PRELID2: variants seen among roughly 807,000 people sequenced by gnomAD.
PRELID2 encodes the protein PRELI domain containing 2.
A neutral mutation model predicts 28.4 loss-of-function variants in PRELID2; 25 were observed. The observed-to-expected ratio is 0.88, with a 90% CI of 0.64 to 1.23. The LOEUF is 1.23. PRELID2 is among the 50% of genes most tolerant of loss of function. The pLI, the probability that PRELID2 is intolerant of heterozygous loss-of-function variation, is 0.00. For synonymous variants in PRELID2, 76 were observed against 71.6 expected, an observed-to-expected ratio of 1.06 and a Z score of -0.31; for missense variants, 201 against 214.4, an observed-to-expected ratio of 0.94 and a Z score of 0.39.
chr5:145,795,796 A>C (rs1384455549), intron 5 of PRELID2: 1 of 152,180 alleles, frequency 6.6e-6, no homozygotes, highest in Non-Finnish European at 1.5e-5. Flanking sequence ...CTATTAAGGA[A>C]AGAAAATAGA....
chr5:145,698,359 T>C (rs948397899), intron 1 of PRELID2, among the ~76,000 whole-genome samples: 1 of 152,186 alleles, frequency 6.6e-6, no homozygotes, highest in East Asian at 1.9e-4. Flanking sequence ...TTGGAGCTTA[T>C]AGTCTACAGG....
the PRELID2 span, among the ~76,000 whole-genome samples, chr5:145,387,661 G>A: frequency 1.3e-5 from 2 of 152,132 alleles, no homozygotes; most frequent in South Asian, 4.1e-4. Flanking sequence ...GCTGAGCATG[G>A]TGGCTCACAT....
the PRELID2 span, among the ~76,000 whole-genome samples, chr5:145,347,228 T>C: frequency 6.6e-6 from 1 of 152,180 alleles, no homozygotes; most frequent in Non-Finnish European, 1.5e-5. Flanking sequence ...TCTGTGTCTA[T>C]GGCCAAGCCT....
chr5:145,807,151 C>T (rs990848454), intron 4 of PRELID2, among the ~76,000 whole-genome samples: 9 of 152,158 alleles, frequency 5.9e-5, no homozygotes, highest in Admixed American at 2.6e-4. Context: ...ATGACTATGA[C>T]GTTACTAGCC....
chr5:145,436,346 T>C, the PRELID2 span, among the ~76,000 whole-genome samples: 1 of 152,170 alleles, frequency 6.6e-6, no homozygotes, highest in African/African-American at 2.4e-5. Context: ...GATGGGCTTT[T>C]AGGTTGATTC....
At chr5:145,232,940 G>C in the PRELID2 span, among the ~76,000 whole-genome samples, 1 of 150,648 alleles carries the variant, frequency 6.6e-6, no homozygotes. Flanking sequence ...AGTTTCCATT[G>C]GTCCAAAATA....
chr5:145,317,314 G>A, the PRELID2 span, among the ~76,000 whole-genome samples: 1 of 152,198 alleles, frequency 6.6e-6, no homozygotes, highest in African/African-American at 2.4e-5. Flanking sequence ...ATATGAAAAG[G>A]GTGCTCCTGA....
At chr5:145,790,711 G>GTA in intron 5 of PRELID2, among the ~76,000 whole-genome samples, 1 of 64,662 alleles carries the variant, frequency 1.5e-5, no homozygotes, top group Non-Finnish European at 3.7e-5. Flanking sequence ...TTGTGTGTGT[G>GTA]TGTGTGTGTG....
chr5:145,381,969 T>A, the PRELID2 span, among the ~76,000 whole-genome samples: 3,504 of 151,690 alleles, frequency 0.023, 132 homozygotes, highest in African/African-American at 0.078. Context: ...TTTTTTTTTT[T>A]AATTTAGCAG....
the PRELID2 span, among the ~76,000 whole-genome samples, chr5:145,357,217 G>A: frequency 6.6e-6 from 1 of 152,044 alleles, no homozygotes. Context: ...GATGTGTTCT[G>A]GGGATGGTTT....
At chr5:145,339,321 T>A in the PRELID2 span, among the ~76,000 whole-genome samples, 1 of 152,198 alleles carries the variant, frequency 6.6e-6, no homozygotes, top group South Asian at 2.1e-4. Flanking sequence ...CAGCCAGGAT[T>A]GGCGGGGAGC....
chr5:145,709,580 T>C (rs62392315), intron 1 of PRELID2, among the ~76,000 whole-genome samples: 1 of 151,396 alleles, frequency 6.6e-6, no homozygotes, highest in African/African-American at 2.4e-5. Context: ...TTGATCTGTA[T>C]TTAAAAAAAA....
chr5:145,561,653 C>A (rs1752927116), intron 1 of PRELID2, among the ~76,000 whole-genome samples: 1 of 152,174 alleles, frequency 6.6e-6, no homozygotes, highest in Non-Finnish European at 1.5e-5. Context: ...TACCTAAAGT[C>A]TCAGCTGGTG....
the PRELID2 span, among the ~76,000 whole-genome samples, chr5:145,448,348 G>A: frequency 2.0e-5 from 3 of 151,926 alleles, no homozygotes; most frequent in South Asian, 4.2e-4. Context: ...ATTTGTTTGA[G>A]TTCATTGTAG....
chr5:145,347,161 G>T, the PRELID2 span, among the ~76,000 whole-genome samples: 2 of 152,140 alleles, frequency 1.3e-5, no homozygotes, highest in East Asian at 3.9e-4. Context: ...CTGCACAGAA[G>T]GTCAGTGCAT....
chr5:145,427,761 G>A, the PRELID2 span, among the ~76,000 whole-genome samples: 7 of 152,170 alleles, frequency 4.6e-5, no homozygotes, highest in Admixed American at 3.9e-4. Context: ...GGTGCTATGA[G>A]ATAGTGCAAA....
chr5:145,764,009 G>A (rs973973208), intron 6 of PRELID2, among the ~76,000 whole-genome samples: 2 of 152,078 alleles, frequency 1.3e-5, no homozygotes. Context: ...CCGGGAGATG[G>A]AGGTTGCAGA....
At chr5:145,670,498 G>A (rs1030886191) in intron 1 of PRELID2, among the ~76,000 whole-genome samples, 12 of 152,134 alleles carry the variant, frequency 7.9e-5, no homozygotes, top group African/African-American at 2.9e-4. Flanking sequence ...GATGGATTCT[G>A]TGTTTGCTCA....
chr5:145,724,620 T>A lies in PRELID2; in HGVS notation n.70+40311A>T, dbSNP rs1470455817. Among the ~76,000 whole-genome samples, 36 of 69,174 alleles carry A rather than the reference T, an allele frequency of 5.2e-4. 1 individual carries two copies. The highest frequency in any genetic ancestry group is 2.0e-3 in the African/African-American group (33 of 16,284). 45.4% of individuals were successfully genotyped at this position (69,174 alleles called of 152,430 possible). A position where few individuals can be genotyped will look rare whatever the true frequency, so the allele number is the denominator to read the frequency against. ...AAATAAATATATATATATATATATATATATATATATATATATATATATATA... is the reference window on the plus strand; with the variant it reads ...AAATAAATATATATATATATATATAAATATATATATATATATATATATATA... On this transcript the variant is annotated intron_variant and non_coding_transcript_variant, in intron 1 of 2. Transcript: ENST00000510259.
Sources: gnomAD v4.1 joint callset for allele counts (sites outside exome capture counted in the v4.1 genomes callset) on GRCh38, gnomAD v4.1.1 for gene constraint, MANE v1.5 for transcripts, NCBI Gene and HGNC (gene_info 2026-07-23, HGNC 2026-07-21) for gene names.